SDK2: variants seen among roughly 807,000 people sequenced by gnomAD.
The protein encoded by SDK2 is protein sidekick-2.
A neutral mutation model predicts 253.9 loss-of-function variants in SDK2; 105 were observed. The observed-to-expected ratio is 0.41, with a 90% CI of 0.35 to 0.49. SDK2 has a LOEUF of 0.49. Ranked by LOEUF, SDK2 falls within the 20% of genes least tolerant of loss-of-function variation. The pLI is 0.06. For synonymous variants in SDK2, 1,249 were observed against 1,234.9 expected, an observed-to-expected ratio of 1.01 and a Z score of -0.24; for missense variants, 2,608 against 3,003.0, an observed-to-expected ratio of 0.87 and a Z score of 3.07.
intron 40 of SDK2, among the ~76,000 whole-genome samples, chr17:73,354,748 C>G (rs2078209): frequency 0.23 from 14,924 of 64,934 alleles, 824 homozygotes; most frequent in South Asian, 0.47. Context: ...CCTGCCCCAA[C>G]CAAGCACCTC....
At chr17:73,393,478 C>T (rs2062945294) in intron 27 of SDK2, 82 bp downstream of exon 27, 1 of 1,336,330 alleles carries the variant, frequency 7.5e-7, no homozygotes. Context: ...CAGAGCCTGA[C>T]CCCAGAAGGG....
chr17:73,575,730 G>A (rs896418394), intron 1 of SDK2, among the ~76,000 whole-genome samples: 9 of 152,232 alleles, frequency 5.9e-5, no homozygotes, highest in African/African-American at 2.2e-4. Context: ...AAGTTGAATA[G>A]ACAATCTTTG....
At chr17:73,533,224 G>A (rs571379960) in intron 1 of SDK2, among the ~76,000 whole-genome samples, 2 of 152,322 alleles carry the variant, frequency 1.3e-5, no homozygotes, top group East Asian at 3.9e-4. Context: ...ACTGCCTCCT[G>A]ACCCCATTCC....
intron 2 of SDK2, among the ~76,000 whole-genome samples, chr17:73,499,151 C>T (rs1484965896): frequency 2.6e-5 from 4 of 152,196 alleles, no homozygotes; most frequent in African/African-American, 9.7e-5. Context: ...AAGGGGAGGC[C>T]AGAAAGAGGG....
chr17:73,379,687 A>T lies in SDK2; in HGVS notation c.4763-138T>A. 1 of 618,898 alleles carries T rather than the reference A, an allele frequency of 1.6e-6. No individual in the cohort carries two copies. Among genetic ancestry groups the T allele is most frequent in the Non-Finnish European group, 2.9e-6 (1 of 349,972 alleles). The allele number at this position is 618,898 out of a possible 1,614,324, so 38.3% of individuals were successfully genotyped here. ...CTAGCCCCCTCTGTGAAGGTGCATGAAGGAGGAGGTGAGAGGCGGGGCCCC... is the reference window on the plus strand; with the variant it reads ...CTAGCCCCCTCTGTGAAGGTGCATGTAGGAGGAGGTGAGAGGCGGGGCCCC... On this transcript the variant is annotated intron_variant, in intron 34 of 44. Transcript: ENST00000392650. This position sits in a 1 kb window ranked among gnomAD's most constrained non-coding sequence, Gnocchi z 4.5.
At chr17:73,357,979 T>G in intron 40 of SDK2, 100 bp downstream of exon 40, 1 of 1,566,522 alleles carries the variant, frequency 6.4e-7, no homozygotes, top group Non-Finnish European at 8.7e-7. Flanking sequence ...CACAAGCGCC[T>G]TCTCAGGCGG....
chr17:73,600,139 G>A (rs2045816726), intron 1 of SDK2, among the ~76,000 whole-genome samples: 1 of 152,164 alleles, frequency 6.6e-6, no homozygotes, highest in Non-Finnish European at 1.5e-5. Flanking sequence ...CTGGTCCCAG[G>A]TGGCCTGAGC....
At chr17:73,489,323 C>T (rs937330741) in intron 2 of SDK2, among the ~76,000 whole-genome samples, 1 of 152,150 alleles carries the variant, frequency 6.6e-6, no homozygotes, top group Admixed American at 6.5e-5. Flanking sequence ...TCAGCATCTC[C>T]AAATCCCAGG....
intron 27 of SDK2, among the ~76,000 whole-genome samples, chr17:73,392,656 A>G (rs1432715163): frequency 6.6e-6 from 1 of 151,660 alleles, no homozygotes; most frequent in Non-Finnish European, 1.5e-5. Flanking sequence ...TTAACGGTTC[A>G]TTAGCTTGAT....
chr17:73,477,607 C>T (rs755647648), intron 2 of SDK2, among the ~76,000 whole-genome samples: 1 of 152,232 alleles, frequency 6.6e-6, no homozygotes, highest in Non-Finnish European at 1.5e-5. Flanking sequence ...TGCACAAATG[C>T]TTGCCAAGTG....
intron 1 of SDK2, among the ~76,000 whole-genome samples, chr17:73,539,080 G>A (rs538118125): frequency 5.6e-4 from 85 of 152,290 alleles, no homozygotes; most frequent in African/African-American, 2.0e-3. Context: ...AAGGACAGGT[G>A]GAGTGGCCTT....
At chr17:73,473,726 C>T (rs571366172) in intron 2 of SDK2, among the ~76,000 whole-genome samples, 9 of 152,206 alleles carry the variant, frequency 5.9e-5, no homozygotes, top group Non-Finnish European at 1.0e-4. Context: ...TTTCACACAG[C>T]AGTTCCCAGC....
At chr17:73,401,899 G>A (rs752347001) in intron 19 of SDK2, 47 bp downstream of exon 19, 15 of 1,460,248 alleles carry the variant, frequency 1.0e-5, no homozygotes, top group South Asian at 3.7e-5. Flanking sequence ...GCCCAGCCTG[G>A]CCTTGGGCGG....
intron 1 of SDK2, among the ~76,000 whole-genome samples, chr17:73,606,186 A>G (rs2045904698): frequency 6.6e-6 from 1 of 152,124 alleles, no homozygotes; most frequent in Admixed American, 6.5e-5. Flanking sequence ...TGACTAGCAC[A>G]ATGGACTCAT....
chr17:73,526,287 C>T (rs1365169752), intron 1 of SDK2, among the ~76,000 whole-genome samples: 1 of 152,064 alleles, frequency 6.6e-6, no homozygotes, highest in African/African-American at 2.4e-5. Flanking sequence ...TGTGGCCGGC[C>T]AGCACAGGGG....
chr17:73,405,008 C>G (rs1330799803), intron 18 of SDK2, among the ~76,000 whole-genome samples: 1 of 151,478 alleles, frequency 6.6e-6, no homozygotes, highest in African/African-American at 2.4e-5. Context: ...GAGCCTCAGG[C>G]TATTCTAGGG....
chr17:73,359,395 G>A (rs891427870), intron 39 of SDK2, among the ~76,000 whole-genome samples: 1 of 152,166 alleles, frequency 6.6e-6, no homozygotes. Flanking sequence ...CTTCCCTATG[G>A]AGCAGCCTGT....
At chr17:73,409,915 C>T (rs764734362) in intron 18 of SDK2, among the ~76,000 whole-genome samples, 4 of 152,036 alleles carry the variant, frequency 2.6e-5, no homozygotes, top group Admixed American at 6.6e-5. Context: ...AGTGCAGTGA[C>T]GTGATTTCAG....
chr17:73,447,054 G>A lies in SDK2; in HGVS notation c.613+561C>T, dbSNP rs989201236. Reference sequence around the variant, plus strand: ...TGTGGTGAGTTCTAGGGAGGGCTTTGCCCTTTTCGCCCAGGGAGCTGGAGG... The same window carrying A: ...TGTGGTGAGTTCTAGGGAGGGCTTTACCCTTTTCGCCCAGGGAGCTGGAGG... On this transcript the variant is annotated intron_variant, in intron 5 of 44. Coordinates refer to ENST00000392650, the MANE Select transcript of SDK2 (RefSeq NM_001144952.2). The surrounding 1 kb of genome is among the most constrained non-coding windows in gnomAD (Gnocchi z 4.0). Among the ~76,000 whole-genome samples the A allele has an allele frequency of 1.3e-5, 2 of 152,190 alleles. No homozygotes were observed. Among genetic ancestry groups the A allele is most frequent in the Admixed American group, 1.3e-4 (2 of 15,288 alleles).
Sources: allele counts gnomAD v4.1 joint callset (sites outside exome capture counted in the v4.1 genomes callset), GRCh38; gene constraint gnomAD v4.1.1; non-coding constraint Gnocchi (gnomAD v3.1); transcripts MANE v1.5; gene names NCBI Gene and HGNC (gene_info 2026-07-23, HGNC 2026-07-21).